The following CFAP92 variants were observed in gnomAD, a reference collection of about 807,000 sequenced individuals.
CFAP92 encodes uncharacterized protein CFAP92.
In CFAP92, 86 loss-of-function variants were observed where a neutral mutation model predicts 106.3. That is an observed-to-expected ratio of 0.81 (90% CI 0.68 to 0.97). The LOEUF (loss-of-function observed/expected upper bound fraction) is 0.97, where lower values mean the gene tolerates loss of function less well. Among genes scored for constraint, CFAP92 ranks in the 50% least tolerant of loss-of-function variants. The probability of loss-of-function intolerance (pLI) is 0.00; values close to 1 mark genes in which losing one functional copy is unlikely to be tolerated. For missense variants in CFAP92, 1,204 were observed against 1,283.8 expected (o/e 0.94, Z 0.95); for synonymous variants, 477 against 506.4 (o/e 0.94, Z 0.78).
At chr3:128,979,397 A>G (rs1198034886) in intron 4 of CFAP92, among the ~76,000 whole-genome samples, 1 of 152,228 alleles carries the variant, frequency 6.6e-6, no homozygotes, top group African/African-American at 2.4e-5. Flanking sequence ...GCGATTCCTC[A>G]GGGATCTAGA....
intron 7 of CFAP92, 35 bp from the exon 8 acceptor site, chr3:128,971,468 G>A (rs747827116): frequency 6.6e-7 from 1 of 1,515,138 alleles, no homozygotes; most frequent in Non-Finnish European, 8.9e-7. Flanking sequence ...AGCATTAAGA[G>A]GAGACTGTAT....
At chr3:129,004,039 CTGGGTG>C, upstream of CFAP92, 1 of 1,511,464 alleles carries the variant, frequency 6.6e-7, no homozygotes. Flanking sequence ...GCTTGCAGCG[CTGGGTG>C]CGGCGGCTGG....
chr3:128,981,324 C>G (rs943538638), intron 4 of CFAP92, among the ~76,000 whole-genome samples: 3 of 151,424 alleles, frequency 2.0e-5, no homozygotes, highest in Non-Finnish European at 4.4e-5. Flanking sequence ...GAGTGAGCCA[C>G]CGCGCCTGGC....
intron 10 of CFAP92, among the ~76,000 whole-genome samples, chr3:128,940,301 A>G (rs1375636732): frequency 6.6e-6 from 1 of 152,188 alleles, no homozygotes; most frequent in Admixed American, 6.6e-5. Flanking sequence ...GCGATAATCC[A>G]CACATTAGTG....
intron 4 of CFAP92, among the ~76,000 whole-genome samples, chr3:128,985,781 C>T (rs1943814807): frequency 6.6e-6 from 1 of 152,170 alleles, no homozygotes; most frequent in African/African-American, 2.4e-5. Context: ...TACCTTGAAT[C>T]CCATTTTCTC....
chr3:128,918,755 C>T (rs1165962277), intron 12 of CFAP92, among the ~76,000 whole-genome samples: 1 of 151,980 alleles, frequency 6.6e-6, no homozygotes, highest in South Asian at 2.1e-4. Context: ...GAATGCCTAA[C>T]CATATGGTCT....
chr3:128,910,343 G>A lies in CFAP92; in HGVS notation c.3281-10C>T. On this transcript the variant is annotated splice_polypyrimidine_tract_variant and intron_variant, in intron 15 of 15. Coordinates refer to ENST00000645291, the MANE Select transcript of CFAP92 (RefSeq NM_001394090.1). The stretch of plus-strand genomic sequence containing the variant: ...CCTTTCTTCTTCCTGACTGAGAGAA[G>A]AGGGGGTGAGTGACAGGGGTTCCTG... 6.8e-7 allele frequency: 1 copy of A among 1,471,108 alleles called. No individual in the cohort carries two copies. Among genetic ancestry groups the A allele is most frequent in the Non-Finnish European group, 9.0e-7 (1 of 1,114,088 alleles). The allele number at this position is 1,471,108 out of a possible 1,614,324, so 91.1% of individuals were successfully genotyped here. A position where few individuals can be genotyped will look rare whatever the true frequency, so the allele number is the denominator to read the frequency against.
At chr3:129,003,076 G>A (rs1294676392), upstream of CFAP92, among the ~76,000 whole-genome samples, 2 of 152,188 alleles carry the variant, frequency 1.3e-5, no homozygotes, top group Admixed American at 6.5e-5. Flanking sequence ...TACCCCAGGC[G>A]ACAACAGGCC....
chr3:128,921,164 A>G (rs1270768852), intron 12 of CFAP92, among the ~76,000 whole-genome samples: 1 of 152,120 alleles, frequency 6.6e-6, no homozygotes, highest in Non-Finnish European at 1.5e-5. Context: ...CATAGTCCCC[A>G]CAGCCTGGAG....
At position 128,932,768 on chromosome 3, in the gene CFAP92, C is replaced by T. The variant is rs1182480571; in HGVS notation, c.2683G>A (p.Glu895Lys). Reference protein sequence around the residue: ...TLTLEIHAHQEKYLQWRSAML... With the variant: ...TLTLEIHAHQKKYLQWRSAML... ...GCACTCCGCCACTGCAGGTACTTCT[C>T]CTGGTGGGCGTGGATCTCTAAGGTG... is the stretch of plus-strand genomic sequence containing the variant. The change falls in exon 12 of 16, where the codon GAG (glutamate) becomes AAG (lysine). Residue 895 changes from glutamate (E) to lysine (K), a missense_variant. Coordinates refer to ENST00000645291, the MANE Select transcript of CFAP92 (RefSeq NM_001394090.1). 2.6e-6 allele frequency: 4 copies of T among 1,535,960 alleles called. No individual in the cohort carries two copies. Among genetic ancestry groups the T allele is most frequent in the Admixed American group, 3.9e-5 (2 of 50,980 alleles).
chr3:128,927,671 C>T (rs914462740), intron 12 of CFAP92, among the ~76,000 whole-genome samples: 1 of 147,354 alleles, frequency 6.8e-6, no homozygotes, highest in South Asian at 2.1e-4. Context: ...TTGCAGTGAG[C>T]GGAGATTGTG....
chr3:128,909,931 C>CT lies in CFAP92; in HGVS notation c.*367dup. 1.3e-6 allele frequency: 2 copies of CT among 1,565,068 alleles called. No individual in the cohort carries two copies. The highest frequency in any genetic ancestry group is 1.7e-6 in the Non-Finnish European group (2 of 1,149,808). On this transcript the variant is annotated 3_prime_UTR_variant, in exon 16 of 16. Coordinates refer to ENST00000645291, the MANE Select transcript of CFAP92 (RefSeq NM_001394090.1). ...CCACTTTCTCAAGGAACACAGGAGACTAAGACAGGCAAAGATGCAGCCCAG... is the reference window on the plus strand; with the variant it reads ...CCACTTTCTCAAGGAACACAGGAGACTTAAGACAGGCAAAGATGCAGCCCAG...
upstream of CFAP92, chr3:129,003,915 G>T (rs1158503659): frequency 3.7e-6 from 5 of 1,355,550 alleles, no homozygotes; most frequent in African/African-American, 1.5e-5. Flanking sequence ...CGCGCTGGGC[G>T]GCTGCGCCGT....
intron 10 of CFAP92, 36 bp downstream of exon 10, chr3:128,945,035 A>G (rs1940063786): frequency 6.8e-7 from 1 of 1,465,390 alleles, no homozygotes; most frequent in Admixed American, 2.3e-5. Context: ...TCCAGATGCC[A>G]TCATTTTTAT....
the CFAP92 span, among the ~76,000 whole-genome samples, chr3:129,022,750 G>A: frequency 6.6e-6 from 1 of 152,238 alleles, no homozygotes; most frequent in Non-Finnish European, 1.5e-5. Flanking sequence ...TGCCTGTTGA[G>A]TGACAAGTGT....
At chr3:129,011,111 G>A in the CFAP92 span, among the ~76,000 whole-genome samples, 2 of 152,182 alleles carry the variant, frequency 1.3e-5, no homozygotes, top group African/African-American at 4.8e-5. Context: ...CCTGCAGCAA[G>A]CCATTCTCAC....
chr3:128,975,149 G>T (rs1215252122), intron 7 of CFAP92, among the ~76,000 whole-genome samples: 1 of 151,960 alleles, frequency 6.6e-6, no homozygotes, highest in African/African-American at 2.4e-5. Context: ...AAAATAAAAA[G>T]AGTAAATACT....
At position 128,910,737 on chromosome 3, in the gene CFAP92, G is replaced by A. The variant is rs1181399138; in HGVS notation, c.3281-404C>T. 6.2e-7 allele frequency: 1 copy of A among 1,614,074 alleles called. No individual in the cohort carries two copies. The highest frequency in any genetic ancestry group is 1.7e-5 in the Admixed American group (1 of 60,000). The stretch of plus-strand genomic sequence containing the variant: ...CATATCTTTTCTGTCCTCGGTTCTG[G>A]CAGGTTCTCTTGGCCAACACCTTCT... On this transcript the variant is annotated intron_variant, in intron 15 of 15. Coordinates refer to ENST00000645291, the MANE Select transcript of CFAP92 (RefSeq NM_001394090.1).
In CFAP92 at chr3:128,945,953, C is replaced by G. The variant is rs1022508814; in HGVS notation, c.1376G>C (p.Cys459Ser). Residue 459 changes from cysteine (C) to serine (S), a missense_variant, in exon 10 of 16, where the codon TGC becomes TCC. Coordinates refer to ENST00000645291, the MANE Select transcript of CFAP92 (RefSeq NM_001394090.1). ...ELERLCMPVY[C>S]KYQFHKTPVH... ...TGGAGTCTTATGGAACTGGTACTTG[C>G]AGTACACAGGCATGCACAGCCTCTA... is the stretch of plus-strand genomic sequence containing the variant. The G allele has an allele frequency of 1.4e-6, 2 of 1,445,606 alleles. No individual in the cohort carries two copies. The highest frequency in any genetic ancestry group is 1.8e-6 in the Non-Finnish European group (2 of 1,106,114). The allele number at this position is 1,445,606 out of a possible 1,614,324, so 89.5% of individuals were successfully genotyped here.
Sources: gnomAD v4.1 joint callset for allele counts (sites outside exome capture counted in the v4.1 genomes callset) on GRCh38, gnomAD v4.1.1 for gene constraint, MANE v1.5 for transcripts, NCBI Gene and HGNC (gene_info 2026-07-23, HGNC 2026-07-21) for gene names.